The following TFEC variants were observed in gnomAD, a reference collection of about 807,000 sequenced individuals.
The protein encoded by TFEC is transcription factor EC.
TFEC carries 31 observed loss-of-function variants against 41.6 expected under a neutral mutation model. That is an observed-to-expected ratio of 0.74 (90% confidence interval 0.56 to 1.01). TFEC has a LOEUF of 1.01. TFEC is among the 50% of genes least tolerant of loss of function. The pLI is 0.00. For synonymous variants in TFEC, 143 were observed against 140.6 expected (o/e 1.02, Z -0.12); for missense variants, 402 against 404.1 (o/e 0.99, Z 0.04).
At chr7:116,015,313 A>G (rs1321631656) in intron 1 of TFEC, among the ~76,000 whole-genome samples, 1 of 152,008 alleles carries the variant, frequency 6.6e-6, no homozygotes, top group Non-Finnish European at 1.5e-5. Context: ...TCAATCCCTC[A>G]ATGTTATTAA....
At chr7:116,111,016 T>C (rs779246071) in intron 2 of TFEC, 6 of 602,984 alleles carry the variant, frequency 1.0e-5, no homozygotes, top group Non-Finnish European at 1.5e-5. Flanking sequence ...AAAATAAATT[T>C]AGTAAATGAT....
chr7:116,005,430 C>A (rs1256202794), intron 1 of TFEC, among the ~76,000 whole-genome samples: 1 of 152,110 alleles, frequency 6.6e-6, no homozygotes, highest in Non-Finnish European at 1.5e-5. Flanking sequence ...GGAGCAAAGG[C>A]AACTCTTACT....
chr7:116,137,625 G>A (rs77614962), intron 1 of TFEC, among the ~76,000 whole-genome samples: 23,599 of 152,010 alleles, frequency 0.16, 1,974 homozygotes, highest in East Asian at 0.33. Context: ...ATGCTAACTG[G>A]TAGTTACTCT....
intron 1 of TFEC, among the ~76,000 whole-genome samples, chr7:115,992,091 T>C (rs907888670): frequency 6.6e-6 from 1 of 152,166 alleles, no homozygotes; most frequent in Non-Finnish European, 1.5e-5. Flanking sequence ...CTGAACAACC[T>C]GCTCCTGAAT....
chr7:115,983,619 C>T (rs147172740), intron 2 of TFEC, among the ~76,000 whole-genome samples: 3 of 152,218 alleles, frequency 2.0e-5, no homozygotes, highest in East Asian at 3.9e-4. Context: ...TTTCCCAGTT[C>T]TATTCATACT....
At chr7:115,982,691 A>G (rs1048840922) in intron 2 of TFEC, among the ~76,000 whole-genome samples, 2 of 152,192 alleles carry the variant, frequency 1.3e-5, no homozygotes, top group East Asian at 3.9e-4. Flanking sequence ...GTTCGTTCAC[A>G]TTGCCCCAAG....
chr7:116,124,876 G>C (rs896242118), intron 1 of TFEC, among the ~76,000 whole-genome samples: 38 of 152,146 alleles, frequency 2.5e-4, no homozygotes, highest in African/African-American at 8.7e-4. Flanking sequence ...AGCTATGGTA[G>C]AGGTAAACAA....
At chr7:116,093,559 CT>C (rs969630999) in intron 3 of TFEC, among the ~76,000 whole-genome samples, 2 of 152,010 alleles carry the variant, frequency 1.3e-5, no homozygotes, top group Non-Finnish European at 2.9e-5. Flanking sequence ...TTTCTTCTTT[CT>C]TTTTTTGTTT....
intron 3 of TFEC, among the ~76,000 whole-genome samples, chr7:116,073,677 C>T (rs1796884124): frequency 6.6e-6 from 1 of 151,802 alleles, no homozygotes; most frequent in African/African-American, 2.4e-5. Context: ...AATAGCCAAA[C>T]AAGTCTTGAA....
chr7:116,085,367 G>A (rs951023888), intron 3 of TFEC, among the ~76,000 whole-genome samples: 3 of 151,838 alleles, frequency 2.0e-5, no homozygotes, highest in East Asian at 1.9e-4. Context: ...GAAGTGAAGC[G>A]GGGATCAGCT....
At chr7:116,014,119 T>C (rs1284892051) in intron 1 of TFEC, among the ~76,000 whole-genome samples, 2 of 152,150 alleles carry the variant, frequency 1.3e-5, no homozygotes, top group African/African-American at 4.8e-5. Context: ...TCTTAATGTT[T>C]GATTTCCTGA....
intron 6 of TFEC, among the ~76,000 whole-genome samples, chr7:115,946,668 C>CTTCTT (rs1306515217): frequency 7.3e-6 from 1 of 136,640 alleles, no homozygotes; most frequent in Non-Finnish European, 1.6e-5. Flanking sequence ...TCCTTCCTTC[C>CTTCTT]TTCTTTTCTT....
In TFEC at chr7:116,047,103, C is replaced by T. The variant is rs904485269; in HGVS notation, c.199-62590G>A. Among the ~76,000 whole-genome samples, 12 of 152,284 alleles carry T rather than the reference C, an allele frequency of 7.9e-5. No individual in the cohort carries two copies. The South Asian group carries it at 1.9e-3, about 24-fold the overall frequency. ...AGTCTGTAGCTCCCAGTGTGAGCGA[C>T]GCAGAAGGCAGCTGATTTCTGCATT... On this transcript the variant is annotated intron_variant, in intron 3 of 8. Transcript: ENST00000484212.
At chr7:116,070,159 C>G (rs754355817) in intron 3 of TFEC, among the ~76,000 whole-genome samples, 2 of 150,228 alleles carry the variant, frequency 1.3e-5, no homozygotes, top group East Asian at 1.9e-4. Context: ...TGTGTGTGTG[C>G]GCGTGTGTGT....
chr7:116,077,774 A>C (rs1796994324), intron 3 of TFEC, among the ~76,000 whole-genome samples: 1 of 152,134 alleles, frequency 6.6e-6, no homozygotes. Context: ...CAAAATTTAT[A>C]GAACAATTAC....
chr7:116,078,882 T>C (rs962278183), intron 3 of TFEC, among the ~76,000 whole-genome samples: 7 of 151,600 alleles, frequency 4.6e-5, no homozygotes, highest in Non-Finnish European at 1.0e-4. Context: ...AACCAAAAAA[T>C]AAAACTACAG....
intron 1 of TFEC, among the ~76,000 whole-genome samples, chr7:116,021,274 G>A (rs1258190722): frequency 6.6e-6 from 1 of 152,132 alleles, no homozygotes; most frequent in Non-Finnish European, 1.5e-5. Context: ...AGGCAAGGTC[G>A]ACTTTGCTTA....
At chr7:116,060,345 A>G (rs1796524225) in intron 3 of TFEC, among the ~76,000 whole-genome samples, 1 of 152,178 alleles carries the variant, frequency 6.6e-6, no homozygotes, top group Non-Finnish European at 1.5e-5. Flanking sequence ...CATTCGACCT[A>G]GCAATCCCAT....
chr7:116,131,791 G>T (rs561289078), intron 1 of TFEC, among the ~76,000 whole-genome samples: 1 of 152,200 alleles, frequency 6.6e-6, no homozygotes, highest in East Asian at 1.9e-4. Flanking sequence ...ATTAGCCTCT[G>T]CCCTAAGAGG....
Sources: allele counts gnomAD v4.1 joint callset (sites outside exome capture counted in the v4.1 genomes callset), GRCh38; gene constraint gnomAD v4.1.1; transcripts MANE v1.5; gene names NCBI Gene and HGNC (gene_info 2026-07-23, HGNC 2026-07-21).